The following NOTCH4 variants were observed in gnomAD, a reference collection of about 807,000 sequenced individuals.
NOTCH4 encodes notch receptor 4.
Under a neutral mutation model 189.0 loss-of-function variants are expected in NOTCH4, and 138 were observed. The ratio of observed to expected loss-of-function variants is 0.73; its 90% CI spans 0.64 to 0.84. The LOEUF (loss-of-function observed/expected upper bound fraction) is 0.84, where lower values mean the gene tolerates loss of function less well. Ranked by LOEUF, NOTCH4 falls within the 40% of genes least tolerant of loss-of-function variation. The pLI is 0.00. For synonymous variants in NOTCH4, 942 were observed against 1,032.8 expected (o/e 0.91, Z 1.69); for missense variants, 2,286 against 2,605.4 (o/e 0.88, Z 2.67).
Position 32,198,597 on chromosome 6 carries a change from C to A in NOTCH4, c.4618-38G>T. 6.2e-7 allele frequency: 1 copy of A among 1,610,492 alleles called. No individual in the cohort carries two copies. The highest frequency in any genetic ancestry group is 1.1e-5 in the South Asian group (1 of 90,814). On this transcript the variant is annotated intron_variant, in intron 25 of 29. Coordinates refer to ENST00000375023, the MANE Select transcript of NOTCH4 (RefSeq NM_004557.4). The surrounding 1 kb of genome is among the most constrained non-coding windows in gnomAD (Gnocchi z 5.5). Reference sequence around the variant, plus strand: ...GCAAGGATCAGTGAAGGTTGATTTGCCCTTTCATCCCTTCCATCACCTCCA... The same window carrying A: ...GCAAGGATCAGTGAAGGTTGATTTGACCTTTCATCCCTTCCATCACCTCCA...
chr6:32,212,822 A>T lies in NOTCH4; in HGVS notation c.2526+2T>A. The T allele has an allele frequency of 6.5e-7, 1 of 1,529,270 alleles. No homozygotes were observed. The highest frequency in any genetic ancestry group is 8.8e-7 in the Non-Finnish European group (1 of 1,136,996). 94.7% of individuals were successfully genotyped at this position (1,529,270 alleles called of 1,614,324 possible). On this transcript the variant is annotated splice_donor_variant, in intron 16 of 29. Transcript: ENST00000375023. LOFTEE classifies it high-confidence loss of function. This position sits in a 1 kb window ranked among gnomAD's most constrained non-coding sequence, Gnocchi z 4.4. ...AGCACGCCTGACTTCAATGGCCCTCACCTGGCAGCTGCCTCCGGTGTAGCC... is the reference window on the plus strand; with the variant it reads ...AGCACGCCTGACTTCAATGGCCCTCTCCTGGCAGCTGCCTCCGGTGTAGCC...
chr6:32,203,522 C>A, intron 20 of NOTCH4: 1 of 517,334 alleles, frequency 1.9e-6, no homozygotes, highest in Non-Finnish European at 3.4e-6. Context: ...GCAGCTTGAG[C>A]TTGGGGAGCT....
intron 8 of NOTCH4, 53 bp from the exon 9 acceptor site, chr6:32,218,161 A>G: frequency 8.3e-7 from 1 of 1,208,858 alleles, no homozygotes. Flanking sequence ...TGCCTGGGAG[A>G]CCTGTGTTCT....
rs141422504 is a variant in NOTCH4, at chr6:32,214,236, C to T, written c.2041G>A (p.Val681Met). The change falls in exon 13 of 30, where the codon GTG (valine) becomes ATG (methionine). Residue 681 changes from valine (V) to methionine (M), a missense_variant. This residue lies in a region of NOTCH4 where 1,903 missense variants were observed against 2,261.9 expected (regional missense o/e 0.84). Transcript: ENST00000375023. ...TCACACTCTGGCCCCGTCCAACCCA[C>T]GTCACACACACATGAGGATCTGGTT... The part of the protein sequence containing the change: ...HCQRSSCVCD[V>M]GWTGPECEAE... 276 of 1,613,220 alleles carry T rather than the reference C, an allele frequency of 1.7e-4. No individual in the cohort carries two copies. Among genetic ancestry groups the T allele is most frequent in the Non-Finnish European group, 2.2e-4 (262 of 1,179,734 alleles).
Position 32,220,627 on chromosome 6 carries a change from C to A in NOTCH4, c.937G>T (p.Glu313Ter), listed in dbSNP as rs763926116. ...PETWTGWDCS[E>*]DVDECETQGP... ...TGGGTCTCACACTCATCCACATCTT[C>A]GGAGCAGTCCCAGCCTGCAGGGGGT... Residue 313 changes from glutamate (E) to a stop codon, truncating the protein, a stop_gained, in exon 6 of 30, where the codon GAA becomes TAA. Transcript: ENST00000375023. LOFTEE classifies it high-confidence loss of function. The A allele has an allele frequency of 6.2e-7, 1 of 1,613,888 alleles. No homozygotes were observed. The highest frequency in any genetic ancestry group is 8.5e-7 in the Non-Finnish European group (1 of 1,179,900).
rs1788162847 is a variant in NOTCH4 at position 32,199,038 on chromosome 6, G to A, written c.4423C>T (p.Arg1475Cys). The change falls in exon 24 of 30, where the codon CGC becomes TGC. Residue 1475 changes from arginine (R) to cysteine (C), a missense_variant. This residue lies in a region of NOTCH4 where 1,903 missense variants were observed against 2,261.9 expected (regional missense o/e 0.84). Coordinates refer to ENST00000375023, the MANE Select transcript of NOTCH4 (RefSeq NM_004557.4). This position sits in a 1 kb window ranked among gnomAD's most constrained non-coding sequence, Gnocchi z 4.9. ...LLVLQLIRRRRREHGALWLPP... is the reference protein window; with the variant it reads ...LLVLQLIRRRCREHGALWLPP... ...AGCCAGAGAGCTCCATGCTCTCGGC[G>A]TCGACGCCGGATGAGCTGGAGGACG... The A allele has an allele frequency of 1.9e-6, 3 of 1,612,728 alleles. No individual in the cohort carries two copies. Among genetic ancestry groups the A allele is most frequent in the African/African-American group, 1.3e-5 (1 of 74,928 alleles).
chr6:32,207,194 G>T (rs1329697271), intron 18 of NOTCH4, among the ~76,000 whole-genome samples: 1 of 151,024 alleles, frequency 6.6e-6, no homozygotes, highest in African/African-American at 2.4e-5. Context: ...CTCCCAAAAT[G>T]CTGGGATTAC....
Position 32,196,049 on chromosome 6 carries a change from C to G in NOTCH4, c.5400G>C (p.Gly1800=), listed in dbSNP as rs1393720618. The change falls in exon 30 of 30, where the codon GGG becomes GGC. Residue 1800 remains glycine (G), a synonymous_variant. Coordinates refer to ENST00000375023, the MANE Select transcript of NOTCH4 (RefSeq NM_004557.4). ...GAARELRDQA[G]LAPADVAHQR... is the part of the protein sequence containing the mutation. ...GGTGAGCGACGTCCGCCGGCGCTAG[C>G]CCAGCCTGGTCCCGCAGCTCTCGGG... 3 of 1,594,718 alleles carry G rather than the reference C, an allele frequency of 1.9e-6. No individual in the cohort carries two copies. The highest frequency in any genetic ancestry group is 2.5e-6 in the Non-Finnish European group (3 of 1,177,308).
intron 28 of NOTCH4, 72 bp downstream of exon 28, chr6:32,196,853 T>A (rs1350945996): frequency 1.3e-6 from 2 of 1,572,224 alleles, no homozygotes; most frequent in South Asian, 2.2e-5. Context: ...GCTGCACCTA[T>A]ATTTTGCACG....
intron 12 of NOTCH4, 38 bp from the exon 13 acceptor site, chr6:32,214,293 C>G: frequency 6.2e-7 from 1 of 1,607,764 alleles, no homozygotes; most frequent in Non-Finnish European, 8.5e-7. Context: ...TTTCTCTTCT[C>G]CTACTGCTTA....
At chr6:32,208,053 T>A (rs1788807741) in intron 18 of NOTCH4, among the ~76,000 whole-genome samples, 1 of 149,226 alleles carries the variant, frequency 6.7e-6, no homozygotes, top group African/African-American at 2.5e-5. Context: ...AAGACATTGG[T>A]CTGGGCAAAA....
At chr6:32,213,607 A>T (rs999717397) in intron 14 of NOTCH4, 81 bp downstream of exon 14, 67 of 1,496,998 alleles carry the variant, frequency 4.5e-5, no homozygotes, top group Admixed American at 3.2e-4. Context: ...ATTAAATTTT[A>T]AAAAATATGA....
chr6:32,202,062 G>T lies in NOTCH4; in HGVS notation c.3755+14C>A. 7.0e-7 allele frequency: 1 copy of T among 1,425,526 alleles called. No homozygotes were observed. 88.3% of individuals were successfully genotyped at this position (1,425,526 alleles called of 1,614,324 possible). A position where few individuals can be genotyped will look rare whatever the true frequency, so the allele number is the denominator to read the frequency against. ...CCCCTCTCCTTCCCTGGCTCCAGTG[G>T]ATTTCAGGCTCACGTGCAGGCTGGA... On this transcript the variant is annotated intron_variant, in intron 21 of 29. Coordinates refer to ENST00000375023, the MANE Select transcript of NOTCH4 (RefSeq NM_004557.4). The surrounding 1 kb of genome is among the most constrained non-coding windows in gnomAD (Gnocchi z 5.7).
intron 1 of NOTCH4, 51 bp downstream of exon 1, chr6:32,223,805 C>A (rs201637501): frequency 1.1e-5 from 17 of 1,571,940 alleles, no homozygotes; most frequent in African/African-American, 6.8e-5. Flanking sequence ...CCCCACTGAT[C>A]ATCCTCCTAA....
rs1183058401 is a variant in NOTCH4 at position 32,221,077 on chromosome 6, G to T, written c.700C>A (p.Arg234=). 1 of 1,612,974 alleles carries T rather than the reference G, an allele frequency of 6.2e-7. No homozygotes were observed. Among genetic ancestry groups the T allele is most frequent in the Non-Finnish European group, 8.5e-7 (1 of 1,179,938 alleles). The change falls in exon 4 of 30, where the codon CGG becomes AGG. Residue 234 remains arginine (R), a synonymous_variant. Coordinates refer to ENST00000375023, the MANE Select transcript of NOTCH4 (RefSeq NM_004557.4). This position sits in a 1 kb window ranked among gnomAD's most constrained non-coding sequence, Gnocchi z 4.3. ...CCCCTAGGAGGGCAGGGTCCTGCCC[G>T]CAGCTCACAACGTGGACCCTCCTGC... The part of the protein sequence containing the change: ...VGQEGPRCEL[R]AGPCPPRGCS...
chr6:32,198,855 T>C lies in NOTCH4; in HGVS notation c.4535+71A>G. On this transcript the variant is annotated intron_variant, in intron 24 of 29. Coordinates refer to ENST00000375023, the MANE Select transcript of NOTCH4 (RefSeq NM_004557.4). The surrounding 1 kb of genome is among the most constrained non-coding windows in gnomAD (Gnocchi z 5.5). The stretch of plus-strand genomic sequence containing the variant: ...TTGACTTCTGCAATAGTATTTCTTA[T>C]CTTTTCTGATTGTAAATATCGCCAT... 6.8e-7 allele frequency: 1 copy of C among 1,476,468 alleles called. No individual in the cohort carries two copies. Among genetic ancestry groups the C allele is most frequent in the Non-Finnish European group, 9.1e-7 (1 of 1,094,666 alleles). 91.5% of individuals were successfully genotyped at this position (1,476,468 alleles called of 1,614,324 possible).
At chr6:32,197,708 T>C (rs1441616510) in intron 26 of NOTCH4, 114 bp from the exon 27 acceptor site, 1 of 934,718 alleles carries the variant, frequency 1.1e-6, no homozygotes, top group Non-Finnish European at 1.5e-6. Flanking sequence ...AAGTTCTGGC[T>C]CTGTGTGGCT....
In NOTCH4 at chr6:32,212,867, G is replaced by T. The variant is rs978369621; in HGVS notation, c.2483C>A (p.Pro828His). ...GTAGCCAGTGGGGCAGAGGCAGCGG[G>T]GACCCTGAGGGCTGTCCTGGCAGGT... Reference protein sequence around the residue: ...RATCQDSPQGPRCLCPTGYTG... With the variant: ...RATCQDSPQGHRCLCPTGYTG... Residue 828 changes from proline (P) to histidine (H), a missense_variant, in exon 16 of 30, where the codon CCC (proline) becomes CAC (histidine). By Grantham distance (77) the Pro-to-His change is moderately conservative. This residue lies in a region of NOTCH4 where 1,903 missense variants were observed against 2,261.9 expected (regional missense o/e 0.84). Coordinates refer to ENST00000375023, the MANE Select transcript of NOTCH4 (RefSeq NM_004557.4). The surrounding 1 kb of genome is among the most constrained non-coding windows in gnomAD (Gnocchi z 4.4). 7 of 1,553,832 alleles carry T rather than the reference G, an allele frequency of 4.5e-6. No individual in the cohort carries two copies. The highest frequency in any genetic ancestry group is 1.7e-4 in the Middle Eastern group (1 of 6,010).
In NOTCH4 at chr6:32,202,178, G is replaced by C; in HGVS notation, c.3653C>G (p.Ser1218Cys). 1 of 1,526,002 alleles carries C rather than the reference G, an allele frequency of 6.6e-7. No homozygotes were observed. Among genetic ancestry groups the C allele is most frequent in the Non-Finnish European group, 8.8e-7 (1 of 1,137,274 alleles). 94.5% of individuals were successfully genotyped at this position (1,526,002 alleles called of 1,614,324 possible). A position where few individuals can be genotyped will look rare whatever the true frequency, so the allele number is the denominator to read the frequency against. Residue 1218 changes from serine to cysteine, a missense_variant, in exon 21 of 30, where the codon TCT becomes TGT. Physicochemically the swap from Ser to Cys is moderately radical, Grantham distance 112. Transcript: ENST00000375023. This position sits in a 1 kb window ranked among gnomAD's most constrained non-coding sequence, Gnocchi z 5.7. ...PDPWKGCPSH[S>C]RCWLLFRDGQ... The stretch of plus-strand genomic sequence containing the variant: ...GTCCCGGAAGAGAAGCCAGCACCGA[G>C]AGTGGGAGGGGCAGCCCTTCCAGGG...
Sources: allele counts gnomAD v4.1 joint callset (sites outside exome capture counted in the v4.1 genomes callset), GRCh38; gene constraint gnomAD v4.1.1; regional missense constraint gnomAD v4.1.1; non-coding constraint Gnocchi (gnomAD v3.1); transcripts MANE v1.5; gene names NCBI Gene and HGNC (gene_info 2026-07-23, HGNC 2026-07-21).